SGCD: variants seen among roughly 807,000 people sequenced by gnomAD.
The protein encoded by SGCD is delta-sarcoglycan.
A neutral mutation model predicts 36.6 loss-of-function variants in SGCD; 18 were observed. The observed-to-expected ratio is 0.49, with a 90% confidence interval of 0.34 to 0.73. SGCD has a LOEUF of 0.73. Among genes scored for constraint, SGCD ranks in the 30% least tolerant of loss-of-function variants. The pLI is 0.01. For missense variants in SGCD, 387 were observed against 346.7 expected, an observed-to-expected ratio of 1.12 and a Z score of -0.92; for synonymous variants, 133 against 130.6, an observed-to-expected ratio of 1.02 and a Z score of -0.12.
At chr5:156,677,691 A>T (rs115354920) in intron 7 of SGCD, among the ~76,000 whole-genome samples, 3,071 of 148,814 alleles carry the variant, frequency 0.021, 118 homozygotes, top group African/African-American at 0.071. Context: ...GTATATAGAT[A>T]AAAAAAAAAG....
chr5:156,656,696 A>G (rs1763695761), intron 7 of SGCD, among the ~76,000 whole-genome samples: 1 of 152,226 alleles, frequency 6.6e-6, no homozygotes, highest in Non-Finnish European at 1.5e-5. Context: ...TTTAAAAATC[A>G]GTGCACTACT....
At chr5:155,894,911 G>T (rs538270017) in intron 1 of SGCD, among the ~76,000 whole-genome samples, 1 of 152,232 alleles carries the variant, frequency 6.6e-6, no homozygotes, top group East Asian at 1.9e-4. Context: ...GACTCATCCT[G>T]CAAACCCCTG....
chr5:155,856,707 C>T, the SGCD span, among the ~76,000 whole-genome samples: 1 of 152,132 alleles, frequency 6.6e-6, no homozygotes, highest in Non-Finnish European at 1.5e-5. Context: ...ACAAACACTT[C>T]ACCAAAAATA....
At chr5:156,375,645 G>A (rs993662444) in intron 3 of SGCD, among the ~76,000 whole-genome samples, 2 of 152,110 alleles carry the variant, frequency 1.3e-5, no homozygotes, top group Non-Finnish European at 1.5e-5. Context: ...CTGAGGAAAA[G>A]CTTAAACAAT....
chr5:156,283,060 G>A (rs978583025), intron 3 of SGCD, among the ~76,000 whole-genome samples: 16 of 152,224 alleles, frequency 1.1e-4, no homozygotes, highest in Middle Eastern at 6.8e-3. Context: ...TTTTTAGTAC[G>A]TCTAATAAAC....
chr5:156,038,388 A>C (rs1419768383), intron 1 of SGCD, among the ~76,000 whole-genome samples: 3 of 150,532 alleles, frequency 2.0e-5, no homozygotes, highest in Non-Finnish European at 4.4e-5. Context: ...CTGGAACAGA[A>C]AAAAAATCAA....
At chr5:156,412,671 G>T (rs1772823336) in intron 3 of SGCD, among the ~76,000 whole-genome samples, 1 of 151,902 alleles carries the variant, frequency 6.6e-6, no homozygotes, top group Admixed American at 6.6e-5. Flanking sequence ...ATCAAATAAA[G>T]AAATTGCTTA....
At chr5:156,102,621 A>C (rs1367949348) in intron 1 of SGCD, among the ~76,000 whole-genome samples, 1 of 152,216 alleles carries the variant, frequency 6.6e-6, no homozygotes, top group Non-Finnish European at 1.5e-5. Context: ...AGTCACTTGC[A>C]TAAACCAGTG....
intron 3 of SGCD, among the ~76,000 whole-genome samples, chr5:156,363,192 A>G (rs116579584): frequency 0.011 from 1,691 of 152,300 alleles, 39 homozygotes; most frequent in African/African-American, 0.039. Context: ...TTGCACAAAT[A>G]GCTTTCCGTG....
chr5:156,257,164 A>AAAATAAATAAATAAATAAATAAAT (rs71577192), intron 3 of SGCD, among the ~76,000 whole-genome samples: 11 of 148,056 alleles, frequency 7.4e-5, no homozygotes, highest in African/African-American at 2.8e-4. Context: ...CCCTGTCTTC[A>AAAATAAATAAATAAATAAATAAAT]AAATAAATAA....
At chr5:156,157,636 CAA>C (rs1446418320) in intron 3 of SGCD, among the ~76,000 whole-genome samples, 2 of 151,634 alleles carry the variant, frequency 1.3e-5, no homozygotes, top group African/African-American at 4.9e-5. Flanking sequence ...AGTATATAAA[CAA>C]GAGGTTTTCT....
At chr5:156,171,346 T>C (rs1018059707) in intron 3 of SGCD, among the ~76,000 whole-genome samples, 3 of 152,194 alleles carry the variant, frequency 2.0e-5, no homozygotes, top group Non-Finnish European at 4.4e-5. Context: ...TACTTGGATA[T>C]AAATTTCTTT....
At chr5:156,097,527 T>C (rs1485635123) in intron 1 of SGCD, among the ~76,000 whole-genome samples, 1 of 152,196 alleles carries the variant, frequency 6.6e-6, no homozygotes, top group Non-Finnish European at 1.5e-5. Flanking sequence ...ATAAAGTCTT[T>C]CATTTTTGTT....
At chr5:156,096,721 AG>A (rs762692054) in intron 1 of SGCD, among the ~76,000 whole-genome samples, 121 of 152,366 alleles carry the variant, frequency 7.9e-4, no homozygotes, top group Non-Finnish European at 1.2e-3. Context: ...GAAAGAAACC[AG>A]ACTAGCCTTT....
chr5:155,806,408 C>T, the SGCD span, among the ~76,000 whole-genome samples: 1 of 152,188 alleles, frequency 6.6e-6, no homozygotes, highest in African/African-American at 2.4e-5. Context: ...CTGCCTTGAC[C>T]TCCCAAAGTG....
rs530475522 is a variant in SGCD at position 156,613,046 on chromosome 5, A to T, written c.502+17995A>T. Among the ~76,000 whole-genome samples, 86 of 152,202 alleles carry T rather than the reference A, an allele frequency of 5.7e-4. 1 individual carries two copies. The highest frequency in any genetic ancestry group is 1.7e-3 in the Admixed American group (26 of 15,300). ...CTGCAAGTTAATCCCAGTAGAGGAG[A>T]TAATGTGGCAGAGGTACGGTGCTTT... is the stretch of plus-strand genomic sequence containing the variant. On this transcript the variant is annotated intron_variant, in intron 6 of 8. Coordinates refer to ENST00000337851, the MANE Select transcript of SGCD (RefSeq NM_000337.6).
At chr5:156,573,003 T>C (rs1276896650) in intron 4 of SGCD, among the ~76,000 whole-genome samples, 2 of 152,212 alleles carry the variant, frequency 1.3e-5, no homozygotes, top group Non-Finnish European at 2.9e-5. Flanking sequence ...ATGTACATAT[T>C]ACCTGTATTT....
intron 3 of SGCD, among the ~76,000 whole-genome samples, chr5:156,497,591 TGCTCTCTA>T (rs1045375504): frequency 6.6e-6 from 1 of 151,522 alleles, no homozygotes; most frequent in Non-Finnish European, 1.5e-5. Context: ...ATATGTATAA[TGCTCTCTA>T]GCTCTCTCAC....
intron 5 of SGCD, among the ~76,000 whole-genome samples, chr5:156,590,290 C>T (rs550380948): frequency 4.9e-4 from 75 of 152,246 alleles, no homozygotes; most frequent in Admixed American, 4.7e-3. Context: ...GGGGAGGGAG[C>T]CTCACTCCCA....
Sources: allele counts gnomAD v4.1 joint callset (sites outside exome capture counted in the v4.1 genomes callset), GRCh38; gene constraint gnomAD v4.1.1; transcripts MANE v1.5; gene names NCBI Gene and HGNC (gene_info 2026-07-23, HGNC 2026-07-21).